WDR20: variants seen among roughly 807,000 people sequenced by gnomAD.
WDR20 encodes WD repeat-containing protein 20.
A neutral mutation model predicts 38.7 loss-of-function variants in WDR20; 3 were observed. The ratio of observed to expected loss-of-function variants is 0.08; its 90% CI spans 0.04 to 0.20. WDR20 has a LOEUF of 0.20. WDR20 is among the 10% of genes least tolerant of loss of function. WDR20 has a pLI of 1.00. For missense variants in WDR20, 559 were observed against 727.7 expected (o/e 0.77, Z 2.67); for synonymous variants, 298 against 285.6 (o/e 1.04, Z -0.44).
intron 2 of WDR20, among the ~76,000 whole-genome samples, chr14:102,204,130 G>A (rs1194222825): frequency 6.6e-6 from 1 of 152,142 alleles, no homozygotes; most frequent in South Asian, 2.1e-4. Flanking sequence ...GCCAGGTGAT[G>A]TGTGTCTGTG....
intron 1 of WDR20, among the ~76,000 whole-genome samples, chr14:102,161,168 T>TTTTTTTTTTG (rs1269781690): frequency 1.0e-5 from 1 of 97,112 alleles, no homozygotes; most frequent in Non-Finnish European, 2.2e-5. Flanking sequence ...TTTTTTTTTT[T>TTTTTTTTTTG]GAGGCAGAGT....
chr14:102,221,177 G>T lies in WDR20; in HGVS notation c.1693-1653G>T, dbSNP rs935713663. Among the ~76,000 whole-genome samples the T allele has an allele frequency of 1.3e-5, 2 of 152,168 alleles. No individual in the cohort carries two copies. Among genetic ancestry groups the T allele is most frequent in the Non-Finnish European group, 2.9e-5 (2 of 68,038 alleles). On this transcript the variant is annotated intron_variant, in intron 3 of 3. Transcript: ENST00000335263. This position sits in a 1 kb window ranked among gnomAD's most constrained non-coding sequence, Gnocchi z 4.8. ...ACCTCCACCTGGCACTCCGTGAAAG[G>T]GGAGGGAGACTCTGTGGCTGCCAGA...
chr14:102,200,467 TTGTG>T lies in WDR20; in HGVS notation c.432+5385_432+5388del, dbSNP rs71395660. 1.7e-3 allele frequency among the ~76,000 whole-genome samples: 199 copies of T among 117,740 alleles called. 2 individuals are homozygous for T. In the South Asian group the frequency reaches 0.021, roughly 12 times the overall value. 77.2% of individuals were successfully genotyped at this position (117,740 alleles called of 152,430 possible). A position where few individuals can be genotyped will look rare whatever the true frequency, so the allele number is the denominator to read the frequency against. ...GAGTTTACTTTTTAAATTTTTTTTT[TTGTG>T]TGTGTGTGTGTGTGTGTGTGTGTGT... On this transcript the variant is annotated intron_variant, in intron 2 of 2. Coordinates refer to ENST00000342702, the MANE Select transcript of WDR20 (RefSeq NM_144574.4).
At position 102,209,257 on chromosome 14, in the gene WDR20, G is replaced by A. The variant is rs774893750; in HGVS notation, c.1087G>A (p.Val363Ile). The change falls in exon 3 of 3, where the codon GTA becomes ATA. Residue 363 changes from valine to isoleucine, a missense_variant. Val to Ile is a conservative substitution (Grantham distance 29). Coordinates refer to ENST00000342702, the MANE Select transcript of WDR20 (RefSeq NM_144574.4). The surrounding 1 kb of genome is among the most constrained non-coding windows in gnomAD (Gnocchi z 6.0). Reference sequence around the variant, plus strand: ...ACGGAACTCTACAGACAGCCGCCCCGTAAGTGTCACGTATCGGTTTGGTTC... The same window carrying A: ...ACGGAACTCTACAGACAGCCGCCCCATAAGTGTCACGTATCGGTTTGGTTC... ...SKRNSTDSRP[V>I]SVTYRFGSVG... is the part of the protein sequence containing the mutation. The A allele has an allele frequency of 2.2e-5, 35 of 1,614,006 alleles. No homozygotes were observed. The highest frequency in any genetic ancestry group is 8.9e-5 in the East Asian group (4 of 44,888).
In WDR20 at chr14:102,207,389, A is replaced by G. The variant is rs1356921622; in HGVS notation, c.433-1214A>G. 6.6e-6 allele frequency among the ~76,000 whole-genome samples: 1 copy of G among 152,268 alleles called. No homozygotes were observed. The highest frequency in any genetic ancestry group is 1.5e-5 in the Non-Finnish European group (1 of 68,050). On this transcript the variant is annotated intron_variant, in intron 2 of 2. Coordinates refer to ENST00000342702, the MANE Select transcript of WDR20 (RefSeq NM_144574.4). The surrounding 1 kb of genome is among the most constrained non-coding windows in gnomAD (Gnocchi z 5.0). ...AATTCTCTGTAAAGATGTAGCACAC[A>G]TGGCGGGCACATGGCCTCAAAGCCA... is the stretch of plus-strand genomic sequence containing the variant.
rs143496782 is a variant in WDR20 at position 102,205,414 on chromosome 14, A to G, written c.433-3189A>G. Among the ~76,000 whole-genome samples the G allele has an allele frequency of 9.9e-3, 1,514 of 152,348 alleles. 90 individuals carry two copies. Among genetic ancestry groups the G allele is most frequent in the Admixed American group, 0.095 (1,447 of 15,298 alleles). ...CTGGAGAGAGAAATGAGAAACTAGTACAGTGACTCAGGACAGAGGATCCGG... is the reference window on the plus strand; with the variant it reads ...CTGGAGAGAGAAATGAGAAACTAGTGCAGTGACTCAGGACAGAGGATCCGG... On this transcript the variant is annotated intron_variant, in intron 2 of 2. Transcript: ENST00000342702.
In WDR20 at chr14:102,220,943, T is replaced by C. The variant is rs1389421661; in HGVS notation, c.1693-1887T>C. On this transcript the variant is annotated intron_variant, in intron 3 of 3. Transcript: ENST00000335263. This position sits in a 1 kb window ranked among gnomAD's most constrained non-coding sequence, Gnocchi z 4.2. Reference sequence around the variant, plus strand: ...GCGCCACCACACCCGGCTAATTTTGTATTAGTAGAGATGGAGTTTCACCAT... The same window carrying C: ...GCGCCACCACACCCGGCTAATTTTGCATTAGTAGAGATGGAGTTTCACCAT... Among the ~76,000 whole-genome samples, 1 of 152,032 alleles carries C rather than the reference T, an allele frequency of 6.6e-6. No homozygotes were observed. Among genetic ancestry groups the C allele is most frequent in the Admixed American group, 6.5e-5 (1 of 15,268 alleles).
rs757797886 is a variant in WDR20 at position 102,140,058 on chromosome 14, C to T, written c.135C>T (p.Ser45=). The part of the protein sequence containing the change: ...PNRVPFNSQG[S]NPVRVSFVNL... The stretch of plus-strand genomic sequence containing the variant: ...GGGTGCCCTTCAACTCGCAGGGATC[C>T]AACCCTGTCCGCGTCTCCTTCGTAA... Residue 45 remains serine, a synonymous_variant, in exon 1 of 3, where the codon TCC becomes TCT. Transcript: ENST00000342702. The T allele has an allele frequency of 6.2e-7, 1 of 1,614,186 alleles. No individual in the cohort carries two copies. Among genetic ancestry groups the T allele is most frequent in the South Asian group, 1.1e-5 (1 of 91,084 alleles).
chr14:102,208,736 A>G lies in WDR20; in HGVS notation c.566A>G (p.His189Arg). The change falls in exon 3 of 3, where the codon CAC becomes CGC. Residue 189 changes from histidine (H) to arginine (R), a missense_variant. Transcript: ENST00000342702. The surrounding 1 kb of genome is among the most constrained non-coding windows in gnomAD (Gnocchi z 5.6). ...CACACTTGTGGCACCACAGCCCCCC[A>G]CTACCAGCTTCTGAAGCAGGGAGAG... ...VEHTCGTTAP[H>R]YQLLKQGESF... 1 of 1,614,114 alleles carries G rather than the reference A, an allele frequency of 6.2e-7. No individual in the cohort carries two copies. The highest frequency in any genetic ancestry group is 8.5e-7 in the Non-Finnish European group (1 of 1,180,014).
chr14:102,161,132 ATATATATATATTTTTTTTTTTT>A (rs1173697825), intron 1 of WDR20, among the ~76,000 whole-genome samples: 2 of 8,398 alleles, frequency 2.4e-4, no homozygotes, highest in African/African-American at 7.7e-4. Flanking sequence ...ATATATATAT[ATATATATATATTTTTTTTTTTT>A]TTTTTTTTTT....
chr14:102,184,448 A>G (rs1258385642), intron 1 of WDR20, among the ~76,000 whole-genome samples: 3 of 152,168 alleles, frequency 2.0e-5, no homozygotes, highest in African/African-American at 7.2e-5. Flanking sequence ...GACATGTGAG[A>G]ACAACAGAAG....
intron 1 of WDR20, among the ~76,000 whole-genome samples, chr14:102,162,803 G>A (rs1338732925): frequency 6.6e-6 from 1 of 152,018 alleles, no homozygotes; most frequent in East Asian, 1.9e-4. Flanking sequence ...GTAGAGACAG[G>A]GTTTTGCCGT....
chr14:102,166,170 C>A (rs890244796), intron 1 of WDR20, among the ~76,000 whole-genome samples: 39 of 150,266 alleles, frequency 2.6e-4, no homozygotes, highest in African/African-American at 9.3e-4. Context: ...TGGCAGAGAC[C>A]GGGTTTTGCC....
rs915531099 is a variant in WDR20 at position 102,209,607 on chromosome 14, G to A, written c.1437G>A (p.Lys479=). The change falls in exon 3 of 3, where the codon AAG becomes AAA. Residue 479 remains lysine (K), a synonymous_variant. Transcript: ENST00000342702. The surrounding 1 kb of genome is among the most constrained non-coding windows in gnomAD (Gnocchi z 6.0). ...RKERHHEKDH[K]RNHSMGHISS... is the part of the protein sequence containing the mutation. ...AGAGGCACCACGAGAAAGATCACAA[G>A]CGAAATCATAGCATGGGACACATTT... 6 of 1,614,204 alleles carry A rather than the reference G, an allele frequency of 3.7e-6. No homozygotes were observed. The highest frequency in any genetic ancestry group is 4.2e-6 in the Non-Finnish European group (5 of 1,180,050).
At chr14:102,189,189 A>C (rs2065710259) in intron 1 of WDR20, among the ~76,000 whole-genome samples, 1 of 152,154 alleles carries the variant, frequency 6.6e-6, no homozygotes, top group African/African-American at 2.4e-5. Flanking sequence ...CAGCCTGGGT[A>C]ATAGAGCGAG....
At position 102,221,667 on chromosome 14, in the gene WDR20, C is replaced by T. The variant is rs11160675; in HGVS notation, c.1693-1163C>T. On this transcript the variant is annotated intron_variant, in intron 3 of 3. Coordinates refer to the WDR20 transcript ENST00000335263. The surrounding 1 kb of genome is among the most constrained non-coding windows in gnomAD (Gnocchi z 4.8). ...CAGATTTCAGGTGGAAGGTAAGAAA[C>T]GGGATGAAATGACTTGAGCGGGACA... 5.9e-3 allele frequency among the ~76,000 whole-genome samples: 895 copies of T among 152,260 alleles called. 9 individuals carry two copies. The highest frequency in any genetic ancestry group is 0.02 in the African/African-American group (830 of 41,540).
chr14:102,171,556 GATC>G (rs1189635042), intron 1 of WDR20: 1 of 151,850 alleles, frequency 6.6e-6, no homozygotes, highest in Non-Finnish European at 1.5e-5. Flanking sequence ...AGGATTTCTT[GATC>G]TTTTATGTCT....
rs1400593261 is a variant in WDR20, at chr14:102,222,861, C to G, written c.1724C>G (p.Ser575Cys). ...TTGTCATCCCCAAGCCAGGCCAGTT[C>G]TCCAGGTGGAACTGTAGTGTAGCGA... The change falls in exon 4 of 4, where the codon TCT (serine) becomes TGT (cysteine). Residue 575 changes from serine to cysteine, a missense_variant. By Grantham distance (112) the Ser-to-Cys change is moderately radical. Transcript: ENST00000335263. This position sits in a 1 kb window ranked among gnomAD's most constrained non-coding sequence, Gnocchi z 4.4. 6.2e-7 allele frequency: 1 copy of G among 1,614,228 alleles called. No individual in the cohort carries two copies. The highest frequency in any genetic ancestry group is 1.6e-4 in the Middle Eastern group (1 of 6,062).
intron 2 of WDR20, among the ~76,000 whole-genome samples, chr14:102,205,517 A>C (rs1368125771): frequency 6.6e-6 from 1 of 152,178 alleles, no homozygotes. Flanking sequence ...TCACACAAAA[A>C]GCGTATCTTG....
Sources: gnomAD v4.1 joint callset for allele counts (sites outside exome capture counted in the v4.1 genomes callset) on GRCh38, gnomAD v4.1.1 for gene constraint, Gnocchi (gnomAD v3.1) non-coding constraint, MANE v1.5 for transcripts, NCBI Gene and HGNC (gene_info 2026-07-23, HGNC 2026-07-21) for gene names.